The following WDR62 variants were observed in gnomAD, a reference collection of about 807,000 sequenced individuals.
WDR62 encodes WD repeat-containing protein 62.
WDR62 carries 112 observed loss-of-function variants against 160.6 expected under a neutral mutation model. That is an observed-to-expected ratio of 0.70 (90% CI 0.60 to 0.82). The LOEUF is 0.82. Among genes scored for constraint, WDR62 ranks in the 40% least tolerant of loss-of-function variants. WDR62 has a pLI of 0.00. For synonymous variants in WDR62, 792 were observed against 815.1 expected (o/e 0.97, Z 0.48); for missense variants, 1,819 against 1,983.8 (o/e 0.92, Z 1.58).
chr19:36,094,231 C>T lies in WDR62; in HGVS notation c.2467+67C>T, dbSNP rs1018611495. ...AATCATTGCTGGGTTTTGCCCATGA[C>T]CTTGTTTACAGGGCCTGGCACATAT... On this transcript the variant is annotated intron_variant, in intron 20 of 31. Transcript: ENST00000401500. The T allele has an allele frequency of 2.5e-6, 4 of 1,601,028 alleles. No homozygotes were observed. In the African/African-American group the frequency reaches 5.4e-5, roughly 21 times the overall value.
intron 7 of WDR62, 111 bp downstream of exon 7, chr19:36,068,121 G>A: frequency 7.7e-7 from 1 of 1,293,876 alleles, no homozygotes. Context: ...GACTAGTGGT[G>A]AATGACGCCC....
intron 9 of WDR62, among the ~76,000 whole-genome samples, chr19:36,077,663 C>CT (rs1971655074): frequency 6.6e-6 from 1 of 151,698 alleles, no homozygotes; most frequent in Admixed American, 6.6e-5. Flanking sequence ...GAGGCACAAT[C>CT]TCGGCTCACT....
At chr19:36,073,901 A>G (rs1053957227) in intron 9 of WDR62, 6 of 367,386 alleles carry the variant, frequency 1.6e-5, no homozygotes, top group Middle Eastern at 9.7e-4. Context: ...GAGACCTGCA[A>G]CTGCTGGGGA....
At chr19:36,079,273 A>G (rs1971757741) in intron 9 of WDR62, among the ~76,000 whole-genome samples, 1 of 151,640 alleles carries the variant, frequency 6.6e-6, no homozygotes, top group African/African-American at 2.4e-5. Context: ...TAGAGATGGG[A>G]TCTCATTATA....
At chr19:36,085,414 CT>C (rs35753706) in intron 12 of WDR62, among the ~76,000 whole-genome samples, 5,928 of 69,816 alleles carry the variant, frequency 0.085, 84 homozygotes, top group South Asian at 0.11. Flanking sequence ...CACACCTGAC[CT>C]TTTTTTTTTT....
intron 15 of WDR62, among the ~76,000 whole-genome samples, chr19:36,089,644 T>C (rs1260947130): frequency 2.6e-5 from 4 of 152,232 alleles, no homozygotes; most frequent in Admixed American, 1.3e-4. Flanking sequence ...GGTTTCGCCA[T>C]GTTGGCCAGG....
downstream of WDR62, among the ~76,000 whole-genome samples, chr19:36,108,503 C>T (rs1973750888): frequency 6.7e-6 from 1 of 150,212 alleles, no homozygotes; most frequent in Non-Finnish European, 1.5e-5. Context: ...ATGGAGACAC[C>T]ACCTGAAACC....
chr19:36,106,223 G>C (rs760885916), downstream of WDR62, among the ~76,000 whole-genome samples: 1 of 152,132 alleles, frequency 6.6e-6, no homozygotes, highest in Non-Finnish European at 1.5e-5. Context: ...CTCTTGGCTG[G>C]GGTGTGGTGG....
At chr19:36,066,470 AC>A (rs1970948595) in intron 5 of WDR62, 43 bp downstream of exon 5, 1 of 1,558,798 alleles carries the variant, frequency 6.4e-7, no homozygotes, top group African/African-American at 1.4e-5. Flanking sequence ...GCCAGCTGCC[AC>A]AGCATCCTAT....
chr19:36,103,994 C>A lies in WDR62; in HGVS notation c.4153+13C>A. 6.3e-7 allele frequency: 1 copy of A among 1,597,300 alleles called. No homozygotes were observed. Among genetic ancestry groups the A allele is most frequent in the Non-Finnish European group, 8.5e-7 (1 of 1,179,798 alleles). ...GAGCCCACCTCCGGTGAGTACAGCCCTGGAGCAAGGACTGTCCCCTAAGCT... is the reference window on the plus strand; with the variant it reads ...GAGCCCACCTCCGGTGAGTACAGCCATGGAGCAAGGACTGTCCCCTAAGCT... On this transcript the variant is annotated intron_variant, in intron 30 of 31. Transcript: ENST00000401500.
rs1380921681 is a variant in WDR62 at position 36,089,064 on chromosome 19, T to C, written c.1795T>C (p.Cys599Arg). The C allele has an allele frequency of 2.5e-6, 4 of 1,614,078 alleles. No homozygotes were observed. The highest frequency in any genetic ancestry group is 2.5e-6 in the Non-Finnish European group (3 of 1,179,998). The change falls in exon 14 of 32, where the codon TGT becomes CGT. Residue 599 changes from cysteine (C) to arginine (R), a missense_variant. Cys to Arg is a radical substitution (Grantham distance 180). Transcript: ENST00000401500. Reference sequence around the variant, plus strand: ...CAACAGAGACATCCAGATGATCAGCTGTGGGGCTGACAAGAGCATCTACTT... The same window carrying C: ...CAACAGAGACATCCAGATGATCAGCCGTGGGGCTGACAAGAGCATCTACTT... ...AGNRDIQMIS[C>R]GADKSIYFRS...
At chr19:36,055,178 G>A in intron 1 of WDR62, 30 bp downstream of exon 1, 4 of 1,591,542 alleles carry the variant, frequency 2.5e-6, no homozygotes, top group Non-Finnish European at 3.4e-6. Context: ...GTCTACCCCA[G>A]TTCCAGGCTT....
chr19:36,097,693 G>A (rs1403837531), intron 21 of WDR62, among the ~76,000 whole-genome samples: 1 of 152,034 alleles, frequency 6.6e-6, no homozygotes, highest in East Asian at 1.9e-4. Flanking sequence ...AGACCAGCCT[G>A]AGCAATATAG....
At chr19:36,065,710 G>C (rs891661876) in intron 3 of WDR62, among the ~76,000 whole-genome samples, 3 of 152,234 alleles carry the variant, frequency 2.0e-5, no homozygotes, top group Non-Finnish European at 4.4e-5. Flanking sequence ...TCCGCATACA[G>C]TGTCTACTCC....
intron 22 of WDR62, among the ~76,000 whole-genome samples, chr19:36,100,011 G>C (rs1973228884): frequency 6.6e-6 from 1 of 152,200 alleles, no homozygotes; most frequent in Non-Finnish European, 1.5e-5. Context: ...AGCATTTGGG[G>C]AGGCCAAGGC....
rs1972015878 is a variant in WDR62, at chr19:36,083,343, T to C, written c.1550+102T>C. 1.9e-5 allele frequency: 23 copies of C among 1,198,826 alleles called. No homozygotes were observed. The South Asian group carries it at 3.0e-4, about 16-fold the overall frequency. The allele number at this position is 1,198,826 out of a possible 1,614,324, so 74.3% of individuals were successfully genotyped here. A position where few individuals can be genotyped will look rare whatever the true frequency, so the allele number is the denominator to read the frequency against. On this transcript the variant is annotated intron_variant, in intron 11 of 31. Transcript: ENST00000401500. Reference sequence around the variant, plus strand: ...TGGCCTTGGCACCTCCTGCTGCCCATTGGGAATGAGGGGCTGTGAATAGTA... The same window carrying C: ...TGGCCTTGGCACCTCCTGCTGCCCACTGGGAATGAGGGGCTGTGAATAGTA...
Position 36,077,256 on chromosome 19 carries a change from TTTCC to T in WDR62, c.1233+3744_1233+3747del, listed in dbSNP as rs759605737. Among the ~76,000 whole-genome samples the T allele has an allele frequency of 1.3e-3, 192 of 144,004 alleles. 4 individuals are homozygous for T. The highest frequency in any genetic ancestry group is 3.7e-3 in the Admixed American group (51 of 13,972). The allele number at this position is 144,004 out of a possible 152,430, so 94.5% of individuals were successfully genotyped here. On this transcript the variant is annotated intron_variant, in intron 9 of 31. Coordinates refer to ENST00000401500, the MANE Select transcript of WDR62 (RefSeq NM_001083961.2). The stretch of plus-strand genomic sequence containing the variant: ...CTGAATCTTTTCTTTTCTCTCCTTC[TTTCC>T]TTCCTTCCTTCCTTCCTTTTTTTTT...
chr19:36,103,261 A>G, intron 29 of WDR62, 54 bp downstream of exon 29: 2 of 1,611,674 alleles, frequency 1.2e-6, no homozygotes, highest in Non-Finnish European at 1.7e-6. Flanking sequence ...GAGTGGCCGG[A>G]TGTCCAGCCT....
At chr19:36,065,467 G>C (rs1464260176) in intron 3 of WDR62, among the ~76,000 whole-genome samples, 2 of 152,218 alleles carry the variant, frequency 1.3e-5, no homozygotes, top group African/African-American at 2.4e-5. Context: ...AGGCTAGCTA[G>C]GAGTATCAGA....
Sources: allele counts gnomAD v4.1 joint callset (sites outside exome capture counted in the v4.1 genomes callset), GRCh38; gene constraint gnomAD v4.1.1; transcripts MANE v1.5; gene names NCBI Gene and HGNC (gene_info 2026-07-23, HGNC 2026-07-21).